Variants in ASIP observed in about 807,000 individuals in gnomAD.
ASIP encodes agouti-signaling protein.
A neutral mutation model predicts 10.3 loss-of-function variants in ASIP; 11 were observed. The ratio of observed to expected loss-of-function variants is 1.07; its 90% CI spans 0.68 to 1.78. The LOEUF is 1.78. Ranked by LOEUF, ASIP falls within the 40% of genes most tolerant of loss-of-function variation. The pLI, the probability that ASIP is intolerant of heterozygous loss-of-function variation, is 0.00. For synonymous variants in ASIP, 70 were observed against 70.8 expected (o/e 0.99, Z 0.06); for missense variants, 180 against 169.2 (o/e 1.06, Z -0.35).
Position 34,259,836 on chromosome 20 carries a change from A to G in ASIP, c.-10-529A>G, listed in dbSNP as rs182686523. Among the ~76,000 whole-genome samples the G allele has an allele frequency of 1.6e-3, 237 of 152,224 alleles. 1 individual carries two copies. Among genetic ancestry groups the G allele is most frequent in the Non-Finnish European group, 2.9e-3 (199 of 68,018 alleles). On this transcript the variant is annotated intron_variant, in intron 1 of 3. Coordinates refer to ENST00000374954, the MANE Select transcript of ASIP (RefSeq NM_001672.3). ...CAGCTCCATCCTCCTGACACAAACT[A>G]TACCTGCATTCGTTCTCTCTGGGTT...
At chr20:34,255,053 T>C (rs772745535) in intron 1 of ASIP, among the ~76,000 whole-genome samples, 5 of 152,170 alleles carry the variant, frequency 3.3e-5, no homozygotes, top group Non-Finnish European at 7.4e-5. Flanking sequence ...TGCCTACCCA[T>C]TGTGCAGTGA....
At chr20:34,268,881 G>A (rs954564289) in intron 3 of ASIP, 110 bp from the exon 4 acceptor site, 40 of 1,386,686 alleles carry the variant, frequency 2.9e-5, no homozygotes, top group South Asian at 1.4e-4. Flanking sequence ...GCAAGCCAGC[G>A]GGGAAACCTC....
chr20:34,214,898 G>A (rs2034997505), intron 1 of ASIP: 4 of 1,566,606 alleles, frequency 2.6e-6, no homozygotes, highest in Admixed American at 1.7e-5. Flanking sequence ...TCAATAGCTT[G>A]TAGTGCCTCT....
chr20:34,216,026 A>G (rs77831801), intron 1 of ASIP: 11,935 of 663,252 alleles, frequency 0.018, 158 homozygotes, highest in Non-Finnish European at 0.025. Context: ...AGCGGAACGG[A>G]GCCGAGCGGC....
At chr20:34,210,469 G>A (rs1292517652) in intron 1 of ASIP, among the ~76,000 whole-genome samples, 1 of 152,228 alleles carries the variant, frequency 6.6e-6, no homozygotes, top group African/African-American at 2.4e-5. Context: ...CCCCACAGCA[G>A]CTGACATGCT....
chr20:34,242,163 T>G (rs74874006), intron 1 of ASIP, among the ~76,000 whole-genome samples: 1 of 152,030 alleles, frequency 6.6e-6, no homozygotes, highest in Non-Finnish European at 1.5e-5. Flanking sequence ...GATGGCATAG[T>G]GAAGTCATTT....
intron 1 of ASIP, among the ~76,000 whole-genome samples, chr20:34,245,204 G>T (rs1348817020): frequency 6.6e-6 from 1 of 150,854 alleles, no homozygotes; most frequent in Non-Finnish European, 1.5e-5. Context: ...CGTGGTGGCA[G>T]GCGCCTGTAA....
chr20:34,218,039 G>A (rs562093156), intron 1 of ASIP, among the ~76,000 whole-genome samples: 1 of 152,262 alleles, frequency 6.6e-6, no homozygotes, highest in Admixed American at 6.5e-5. Context: ...CCAAATTGCT[G>A]TTTTTAAAAA....
chr20:34,214,039 G>A (rs1468624993), intron 1 of ASIP: 26 of 1,379,850 alleles, frequency 1.9e-5, no homozygotes, highest in Middle Eastern at 1.8e-4. Flanking sequence ...CCTTTCTGCC[G>A]GGTATTCATT....
At chr20:34,216,106 C>A (rs1370049288) in intron 1 of ASIP, among the ~76,000 whole-genome samples, 1 of 152,254 alleles carries the variant, frequency 6.6e-6, no homozygotes, top group East Asian at 1.9e-4. Context: ...GACCGCAGCG[C>A]CAACGCCAGA....
At chr20:34,237,914 A>T (rs1158985665), upstream of ASIP, among the ~76,000 whole-genome samples, 1 of 152,028 alleles carries the variant, frequency 6.6e-6, no homozygotes, top group African/African-American at 2.4e-5. Flanking sequence ...AGATAATCTG[A>T]TATAGGATTC....
intron 1 of ASIP, among the ~76,000 whole-genome samples, chr20:34,198,895 G>C (rs780009674): frequency 6.6e-6 from 1 of 152,082 alleles, no homozygotes; most frequent in South Asian, 2.1e-4. Context: ...TCTAGAAACA[G>C]AGCATTACCA....
chr20:34,250,557 G>T (rs1484569220), intron 1 of ASIP, among the ~76,000 whole-genome samples: 2 of 152,092 alleles, frequency 1.3e-5, no homozygotes, highest in Non-Finnish European at 2.9e-5. Flanking sequence ...CAGCACTTTG[G>T]GAGGCTGAGG....
intron 3 of ASIP, among the ~76,000 whole-genome samples, chr20:34,264,228 G>A (rs1324251656): frequency 3.9e-5 from 6 of 152,074 alleles, no homozygotes; most frequent in African/African-American, 1.4e-4. Flanking sequence ...CAAATGTAAA[G>A]ATGTAGTACT....
At chr20:34,242,916 G>A (rs1312950058) in intron 1 of ASIP, among the ~76,000 whole-genome samples, 2 of 152,254 alleles carry the variant, frequency 1.3e-5, no homozygotes, top group African/African-American at 2.4e-5. Context: ...AGGAGAAAAG[G>A]CAGAGAAGTG....
chr20:34,213,989 C>T, intron 1 of ASIP: 2 of 1,575,110 alleles, frequency 1.3e-6, no homozygotes, highest in African/African-American at 1.4e-5. Flanking sequence ...TTAAACTTCT[C>T]CATTAGTGGA....
chr20:34,187,241 T>C, the ASIP span, among the ~76,000 whole-genome samples: 2 of 152,186 alleles, frequency 1.3e-5, no homozygotes, highest in African/African-American at 2.4e-5. Context: ...ATTCTGGTGG[T>C]AGTCCTAAAT....
At chr20:34,225,675 C>T (rs576241017) in intron 1 of ASIP, among the ~76,000 whole-genome samples, 1 of 152,208 alleles carries the variant, frequency 6.6e-6, no homozygotes, top group African/African-American at 2.4e-5. Context: ...TAGCTTCTCT[C>T]TCCGCTGATT....
intron 2 of ASIP, 54 bp from the exon 3 acceptor site, chr20:34,262,778 C>A: frequency 6.2e-7 from 1 of 1,602,690 alleles, no homozygotes; most frequent in East Asian, 2.2e-5. Context: ...CACTTCACTG[C>A]AGCTCAACGT....
Sources: allele counts gnomAD v4.1 joint callset (sites outside exome capture counted in the v4.1 genomes callset), GRCh38; gene constraint gnomAD v4.1.1; transcripts MANE v1.5; gene names NCBI Gene and HGNC (gene_info 2026-07-23, HGNC 2026-07-21).